The following TENM3 variants were observed in gnomAD, a reference collection of about 807,000 sequenced individuals.
The protein encoded by TENM3 is teneurin-3.
Under a neutral mutation model 255.1 loss-of-function variants are expected in TENM3, and 63 were observed. The ratio of observed to expected loss-of-function variants is 0.25; its 90% CI spans 0.20 to 0.30. TENM3 has a LOEUF of 0.30. Among genes scored for constraint, TENM3 ranks in the 10% least tolerant of loss-of-function variants. TENM3 has a pLI of 1.00. For synonymous variants in TENM3, 1,306 were observed against 1,322.3 expected (o/e 0.99, Z 0.27); for missense variants, 2,929 against 3,461.1 (o/e 0.85, Z 3.86).
chr4:182,670,282 A>C (rs1168827597), intron 6 of TENM3, among the ~76,000 whole-genome samples: 3 of 152,208 alleles, frequency 2.0e-5, no homozygotes, highest in Non-Finnish European at 4.4e-5. Flanking sequence ...CTATAACTCA[A>C]TTTGGAAATT....
chr4:182,278,527 A>G (rs945501274), intron 1 of TENM3, among the ~76,000 whole-genome samples: 1 of 152,070 alleles, frequency 6.6e-6, no homozygotes, highest in Non-Finnish European at 1.5e-5. Flanking sequence ...ACCCCAATCA[A>G]CATCAGCTTT....
chr4:182,564,747 C>T (rs1472925418), intron 3 of TENM3, among the ~76,000 whole-genome samples: 2 of 152,150 alleles, frequency 1.3e-5, no homozygotes, highest in African/African-American at 2.4e-5. Context: ...GGCATCAATA[C>T]GTGTCCTCCA....
the TENM3 span, among the ~76,000 whole-genome samples, chr4:181,710,488 C>T: frequency 1.7e-3 from 256 of 151,998 alleles, no homozygotes; most frequent in African/African-American, 5.8e-3. Flanking sequence ...GAGGCTGAGG[C>T]GGGCGGATCA....
chr4:182,004,521 G>A, the TENM3 span, among the ~76,000 whole-genome samples: 3 of 152,146 alleles, frequency 2.0e-5, no homozygotes, highest in Non-Finnish European at 4.4e-5. Context: ...TGCAAATAGT[G>A]CTATAATAAA....
the TENM3 span, among the ~76,000 whole-genome samples, chr4:181,831,968 TTGTGTG>T: frequency 0.18 from 23,651 of 132,554 alleles, 2,273 homozygotes; most frequent in East Asian, 0.27. Context: ...ATATATTACA[TTGTGTG>T]TGTGTGTGTG....
the TENM3 span, among the ~76,000 whole-genome samples, chr4:181,457,637 C>T: frequency 0.011 from 1,718 of 151,666 alleles, 41 homozygotes; most frequent in African/African-American, 0.039. Context: ...GATTTTTTTC[C>T]TCTCTAGGAA....
intron 6 of TENM3, among the ~76,000 whole-genome samples, chr4:182,660,290 C>T (rs1754119599): frequency 6.6e-6 from 1 of 152,138 alleles, no homozygotes; most frequent in Non-Finnish European, 1.5e-5. Context: ...AATAATACAA[C>T]TAAATGATAT....
intron 3 of TENM3, among the ~76,000 whole-genome samples, chr4:182,432,140 G>A (rs1771704690): frequency 6.6e-6 from 1 of 151,828 alleles, no homozygotes; most frequent in African/African-American, 2.4e-5. Context: ...GAATACAAGA[G>A]AGAAAGAGAT....
the TENM3 span, among the ~76,000 whole-genome samples, chr4:181,888,549 T>C: frequency 2.8e-5 from 3 of 108,026 alleles, no homozygotes; most frequent in Non-Finnish European, 3.8e-5. Context: ...TATATATATA[T>C]GTATATATAT....
intron 1 of TENM3, among the ~76,000 whole-genome samples, chr4:182,245,551 T>C (rs530248204): frequency 6.6e-6 from 1 of 152,120 alleles, no homozygotes; most frequent in Non-Finnish European, 1.5e-5. Context: ...GTGGCCCAGT[T>C]TGGGTCTCTG....
chr4:182,586,682 G>A (rs1746050089), intron 3 of TENM3, among the ~76,000 whole-genome samples: 1 of 152,140 alleles, frequency 6.6e-6, no homozygotes, highest in African/African-American at 2.4e-5. Context: ...GGGTTCCATT[G>A]AAGTTCATTG....
intron 3 of TENM3, among the ~76,000 whole-genome samples, chr4:182,527,623 G>A (rs1260064283): frequency 2.0e-5 from 3 of 152,166 alleles, no homozygotes; most frequent in African/African-American, 4.8e-5. Context: ...GAAATATAGT[G>A]ATCGTGTGAA....
chr4:182,706,088 T>G (rs1360234567), intron 12 of TENM3, among the ~76,000 whole-genome samples: 1 of 152,242 alleles, frequency 6.6e-6, no homozygotes, highest in Non-Finnish European at 1.5e-5. Context: ...TCTGATTTTT[T>G]TTATTCCAGT....
At chr4:181,946,337 A>T in the TENM3 span, among the ~76,000 whole-genome samples, 1 of 152,152 alleles carries the variant, frequency 6.6e-6, no homozygotes, top group Non-Finnish European at 1.5e-5. Flanking sequence ...CCAAAAATAG[A>T]TGTTATCTTT....
the TENM3 span, among the ~76,000 whole-genome samples, chr4:181,615,563 G>A: frequency 6.6e-6 from 1 of 152,052 alleles, no homozygotes; most frequent in Non-Finnish European, 1.5e-5. Flanking sequence ...TCAGAGGAAA[G>A]CAAAAACCAA....
chr4:182,428,070 T>A (rs960015981), intron 3 of TENM3, among the ~76,000 whole-genome samples: 11 of 152,150 alleles, frequency 7.2e-5, no homozygotes, highest in Middle Eastern at 3.2e-3. Context: ...AACACATTTT[T>A]AAAGAGAAAT....
At chr4:182,517,672 C>T (rs1035553795) in intron 3 of TENM3, among the ~76,000 whole-genome samples, 6 of 129,914 alleles carry the variant, frequency 4.6e-5, no homozygotes, top group Non-Finnish European at 8.3e-5. Flanking sequence ...CGTGAGCCAC[C>T]GCGCCCGGCC....
At chr4:182,229,693 A>G (rs1206761172) in intron 1 of TENM3, among the ~76,000 whole-genome samples, 1 of 152,104 alleles carries the variant, frequency 6.6e-6, no homozygotes, top group African/African-American at 2.4e-5. Context: ...GAGTTTCAAA[A>G]GATGACTTTG....
intron 3 of TENM3, among the ~76,000 whole-genome samples, chr4:182,365,504 CTA>C (rs1173598700): frequency 1.3e-5 from 2 of 152,216 alleles, no homozygotes; most frequent in Non-Finnish European, 2.9e-5. Context: ...GTCCTAAAGT[CTA>C]GCTGGATGCC....
Sources: allele counts gnomAD v4.1 joint callset (sites outside exome capture counted in the v4.1 genomes callset), GRCh38; gene constraint gnomAD v4.1.1; transcripts MANE v1.5; gene names NCBI Gene and HGNC (gene_info 2026-07-23, HGNC 2026-07-21).